IQSEC1: variants seen among roughly 807,000 people sequenced by gnomAD.
IQSEC1 encodes the protein IQ motif and SEC7 domain-containing protein 1.
In IQSEC1, 31 loss-of-function variants were observed where a neutral mutation model predicts 91.0. The ratio of observed to expected loss-of-function variants is 0.34; its 90% CI spans 0.26 to 0.46. The LOEUF (loss-of-function observed/expected upper bound fraction) is 0.46. Among genes scored for constraint, IQSEC1 ranks in the 20% least tolerant of loss-of-function variants. The pLI, the probability that IQSEC1 is intolerant of heterozygous loss-of-function variation, is 1.00. For missense variants in IQSEC1, 1,388 were observed against 1,575.6 expected, an observed-to-expected ratio of 0.88 and a Z score of 2.02; for synonymous variants, 699 against 662.6, an observed-to-expected ratio of 1.05 and a Z score of -0.84.
At chr3:13,208,928 G>T (rs1694394772) in intron 1 of IQSEC1, among the ~76,000 whole-genome samples, 1 of 152,220 alleles carries the variant, frequency 6.6e-6, no homozygotes, top group East Asian at 1.9e-4. Context: ...CTGACCAGGG[G>T]CCAGTTCAAA....
chr3:13,281,315 A>C (rs1695785192), intron 1 of IQSEC1, among the ~76,000 whole-genome samples: 1 of 152,150 alleles, frequency 6.6e-6, no homozygotes, highest in Non-Finnish European at 1.5e-5. Context: ...GAGACTCCGG[A>C]GGGCCAGGAG....
chr3:13,253,191 A>G (rs1695228451), intron 1 of IQSEC1, among the ~76,000 whole-genome samples: 1 of 152,244 alleles, frequency 6.6e-6, no homozygotes, highest in Non-Finnish European at 1.5e-5. Context: ...ATAGCCCTAT[A>G]GGATAGTTAC....
intron 1 of IQSEC1, among the ~76,000 whole-genome samples, chr3:12,975,059 TG>T (rs1350014747): frequency 6.6e-6 from 1 of 152,238 alleles, no homozygotes; most frequent in Non-Finnish European, 1.5e-5. Flanking sequence ...AGCCTCAAAG[TG>T]GGGACAGTGC....
chr3:13,085,928 A>C (rs1408567340), intron 2 of IQSEC1, among the ~76,000 whole-genome samples: 2 of 152,074 alleles, frequency 1.3e-5, no homozygotes, highest in Non-Finnish European at 2.9e-5. Flanking sequence ...CGCTATCCTT[A>C]CCCAGGGAGG....
chr3:12,900,734 TCTGAGGCCCACCCATCCCTCAGA>T lies in IQSEC1; in HGVS notation c.*226_*248del. 1 of 1,413,118 alleles carries T rather than the reference TCTGAGGCCCACCCATCCCTCAGA, an allele frequency of 7.1e-7. No individual in the cohort carries two copies. 87.5% of individuals were successfully genotyped at this position (1,413,118 alleles called of 1,614,324 possible). A position where few individuals can be genotyped will look rare whatever the true frequency, so the allele number is the denominator to read the frequency against. ...GCTCACCGTTTCAAGGCTGATGGTG[TCTGAGGCCCACCCATCCCTCAGA>T]CTGAGGTGAGCAGAGCCCAGGGTGC... On this transcript the variant is annotated 3_prime_UTR_variant, in exon 14 of 14. Coordinates refer to ENST00000613206, the MANE Select transcript of IQSEC1 (RefSeq NM_001134382.3).
At chr3:13,074,592 C>T (rs78703041), upstream of IQSEC1, among the ~76,000 whole-genome samples, 16,983 of 152,200 alleles carry the variant, frequency 0.11, 1,300 homozygotes, top group East Asian at 0.28. Context: ...CACGGGGGAG[C>T]GCATTAAAGC....
chr3:13,234,390 G>A (rs556295243), intron 1 of IQSEC1, among the ~76,000 whole-genome samples: 1 of 152,244 alleles, frequency 6.6e-6, no homozygotes, highest in African/African-American at 2.4e-5. Flanking sequence ...AGCCTGGGCA[G>A]CTGCTCCACA....
At chr3:13,156,023 A>G (rs2124970522) in intron 2 of IQSEC1, among the ~76,000 whole-genome samples, 1 of 151,348 alleles carries the variant, frequency 6.6e-6, no homozygotes, top group Admixed American at 6.6e-5. Context: ...GTTCAAGACC[A>G]GTCTGCCCAA....
chr3:12,904,507 G>A (rs895424705), intron 12 of IQSEC1, among the ~76,000 whole-genome samples: 9 of 152,206 alleles, frequency 5.9e-5, no homozygotes, highest in Admixed American at 1.3e-4. Flanking sequence ...AAGAAGGGCT[G>A]ACCTTTCTTC....
At chr3:13,263,272 CA>C (rs1038227197) in intron 1 of IQSEC1, among the ~76,000 whole-genome samples, 1 of 139,186 alleles carries the variant, frequency 7.2e-6, no homozygotes, top group South Asian at 2.3e-4. Context: ...CAAAACAAAA[CA>C]AAAAACCAAT....
rs1478282951 is a variant in IQSEC1, at chr3:12,922,924, T to TC, written c.1731-683_1731-682insG. On this transcript the variant is annotated intron_variant, in intron 4 of 13. Coordinates refer to ENST00000613206, the MANE Select transcript of IQSEC1 (RefSeq NM_001134382.3). This position sits in a 1 kb window ranked among gnomAD's most constrained non-coding sequence, Gnocchi z 5.1. The stretch of plus-strand genomic sequence containing the variant: ...CAGGAGCCCTGAGGCAGGCTCCAGC[T>TC]TCTGGCCAAGCTCCCTAATGATGCT... Among the ~76,000 whole-genome samples the TC allele has an allele frequency of 1.3e-5, 2 of 152,160 alleles. No individual in the cohort carries two copies. Among genetic ancestry groups the TC allele is most frequent in the East Asian group, 3.9e-4 (2 of 5,166 alleles).
chr3:12,922,251 G>C lies in IQSEC1; in HGVS notation c.1731-9C>G. ...TCTCGTCCACGACGCAGCTGGAATA[G>C]AGACAGACAGCCCCGCATAAGCACC... is the stretch of plus-strand genomic sequence containing the variant. On this transcript the variant is annotated splice_polypyrimidine_tract_variant and intron_variant, in intron 4 of 13. Transcript: ENST00000613206. This position sits in a 1 kb window ranked among gnomAD's most constrained non-coding sequence, Gnocchi z 5.1. 1 of 1,576,238 alleles carries C rather than the reference G, an allele frequency of 6.3e-7. No homozygotes were observed. The highest frequency in any genetic ancestry group is 8.7e-7 in the Non-Finnish European group (1 of 1,153,838).
intron 12 of IQSEC1, among the ~76,000 whole-genome samples, chr3:12,903,291 A>G (rs145287832): frequency 9.9e-4 from 150 of 152,228 alleles, no homozygotes; most frequent in Non-Finnish European, 1.7e-3. Flanking sequence ...GTATATCCGC[A>G]CACACACATA....
chr3:13,068,174 T>C (rs757576039), intron 1 of IQSEC1, among the ~76,000 whole-genome samples: 1 of 152,224 alleles, frequency 6.6e-6, no homozygotes, highest in Non-Finnish European at 1.5e-5. Flanking sequence ...GGCCTTACGC[T>C]TCCTCTGAGG....
At chr3:13,278,883 C>T (rs534969561) in intron 1 of IQSEC1, among the ~76,000 whole-genome samples, 4 of 152,284 alleles carry the variant, frequency 2.6e-5, no homozygotes, top group African/African-American at 9.6e-5. Flanking sequence ...CATCTGAGTA[C>T]AAATCCTGGC....
At chr3:13,049,319 C>T (rs1296625709) in intron 1 of IQSEC1, among the ~76,000 whole-genome samples, 5 of 152,232 alleles carry the variant, frequency 3.3e-5, no homozygotes, top group Non-Finnish European at 7.3e-5. Flanking sequence ...CCCACTGTTC[C>T]CAGGCCCAGG....
chr3:13,073,646 T>C (rs1259605537), upstream of IQSEC1, among the ~76,000 whole-genome samples: 1 of 152,204 alleles, frequency 6.6e-6, no homozygotes, highest in Non-Finnish European at 1.5e-5. Flanking sequence ...TGGAAGTCTG[T>C]TGCTAAAATG....
At chr3:12,941,282 C>T (rs775441931) in intron 2 of IQSEC1, among the ~76,000 whole-genome samples, 1 of 152,192 alleles carries the variant, frequency 6.6e-6, no homozygotes, top group Non-Finnish European at 1.5e-5. Context: ...TCATGGAACC[C>T]GGGCCATGGC....
intron 1 of IQSEC1, among the ~76,000 whole-genome samples, chr3:13,204,397 G>C (rs774951450): frequency 6.6e-6 from 1 of 152,274 alleles, no homozygotes; most frequent in Non-Finnish European, 1.5e-5. Flanking sequence ...GCCCCACATC[G>C]GCCGAGGTTC....
Sources: allele counts gnomAD v4.1 joint callset (sites outside exome capture counted in the v4.1 genomes callset), GRCh38; gene constraint gnomAD v4.1.1; non-coding constraint Gnocchi (gnomAD v3.1); transcripts MANE v1.5; gene names NCBI Gene and HGNC (gene_info 2026-07-23, HGNC 2026-07-21).